The following IGSF3 variants were observed in gnomAD, a reference collection of about 807,000 sequenced individuals.
IGSF3 encodes the protein glu-Trp-Ile EWI motif-containing protein 3.
IGSF3 carries 23 observed loss-of-function variants against 114.4 expected under a neutral mutation model. The observed-to-expected ratio is 0.20, with a 90% CI of 0.14 to 0.28. The LOEUF is 0.28. Among genes scored for constraint, IGSF3 ranks in the 10% least tolerant of loss-of-function variants. The probability of loss-of-function intolerance (pLI) is 1.00; values close to 1 mark genes in which losing one functional copy is unlikely to be tolerated. For missense variants in IGSF3, 1,172 were observed against 1,591.5 expected (o/e 0.74, Z 4.48); for synonymous variants, 571 against 645.2 (o/e 0.88, Z 1.74).
At chr1:116,599,292 G>A (rs900607623) in intron 7 of IGSF3, among the ~76,000 whole-genome samples, 5 of 152,066 alleles carry the variant, frequency 3.3e-5, no homozygotes, top group African/African-American at 1.2e-4. Context: ...ATAATTGTAT[G>A]AGGATTATAG....
In IGSF3 at chr1:116,592,601, G is replaced by A. The variant is rs886566510; in HGVS notation, c.2030-3497C>T. Among the ~76,000 whole-genome samples, 12 of 152,160 alleles carry A rather than the reference G, an allele frequency of 7.9e-5. No homozygotes were observed. The highest frequency in any genetic ancestry group is 2.9e-4 in the African/African-American group (12 of 41,428). On this transcript the variant is annotated intron_variant, in intron 7 of 10. Coordinates refer to ENST00000369486, the MANE Select transcript of IGSF3 (RefSeq NM_001007237.3). This position sits in a 1 kb window ranked among gnomAD's most constrained non-coding sequence, Gnocchi z 4.5. ...CAGGAAGAGGGAAGAACTTCGCAGC[G>A]GAGACCAGCAGCAGCTTTCTCAGCC...
chr1:116,608,274 G>C lies in IGSF3; in HGVS notation c.890C>G (p.Pro297Arg), dbSNP rs373355041. The stretch of plus-strand genomic sequence containing the variant: ...CTCCAGGATGCATCTGAACTCCACC[G>C]GCTCGCCCACCGTGTGCAGCCGCTT... ...TEKRLHTVGE[P>R]VEFRCILEAQ... The change falls in exon 5 of 11, where the codon CCG (proline) becomes CGG (arginine). Residue 297 changes from proline (P) to arginine (R), a missense_variant. Transcript: ENST00000369486. 6.2e-7 allele frequency: 1 copy of C among 1,612,044 alleles called. No individual in the cohort carries two copies. Among genetic ancestry groups the C allele is most frequent in the South Asian group, 1.1e-5 (1 of 91,024 alleles).
Position 116,583,089 on chromosome 1 carries a change from C to G in IGSF3, c.2848+1556G>C, listed in dbSNP as rs545601766. Among the ~76,000 whole-genome samples the G allele has an allele frequency of 5.9e-5, 9 of 152,108 alleles. No homozygotes were observed. Among genetic ancestry groups the G allele is most frequent in the Non-Finnish European group, 1.2e-4 (8 of 68,022 alleles). On this transcript the variant is annotated intron_variant, in intron 9 of 10. Coordinates refer to ENST00000369486, the MANE Select transcript of IGSF3 (RefSeq NM_001007237.3). The surrounding 1 kb of genome is among the most constrained non-coding windows in gnomAD (Gnocchi z 4.5). ...TGCACCTGCTGGCTGGGTGGTGATT[C>G]GCTCCATGCTTTGGTCCCTCATGAG...
intron 2 of IGSF3, among the ~76,000 whole-genome samples, chr1:116,619,998 G>A (rs1661362790): frequency 6.7e-6 from 1 of 150,114 alleles, no homozygotes; most frequent in Non-Finnish European, 1.5e-5. Flanking sequence ...GTATGTACCA[G>A]TTTTATAACT....
chr1:116,639,556 C>T (rs1380580390), intron 2 of IGSF3, among the ~76,000 whole-genome samples: 1 of 152,224 alleles, frequency 6.6e-6, no homozygotes, highest in Non-Finnish European at 1.5e-5. Flanking sequence ...CCTCTGCCTT[C>T]TCCTTTCATG....
rs1017375042 is a variant in IGSF3, at chr1:116,598,379, T to C, written c.2029+1562A>G. On this transcript the variant is annotated intron_variant, in intron 7 of 10. Coordinates refer to ENST00000369486, the MANE Select transcript of IGSF3 (RefSeq NM_001007237.3). The surrounding 1 kb of genome is among the most constrained non-coding windows in gnomAD (Gnocchi z 4.3). ...AATGGGGTCTCTGCTTAACCTTCCA[T>C]TAACCTGAAAATCCATTTAAGCAAA... Among the ~76,000 whole-genome samples, 1 of 152,232 alleles carries C rather than the reference T, an allele frequency of 6.6e-6. No individual in the cohort carries two copies. The highest frequency in any genetic ancestry group is 2.4e-5 in the African/African-American group (1 of 41,460).
At chr1:116,590,289 G>T (rs1470922757) in intron 7 of IGSF3, among the ~76,000 whole-genome samples, 1 of 151,512 alleles carries the variant, frequency 6.6e-6, no homozygotes, top group Non-Finnish European at 1.5e-5. Flanking sequence ...TCTTAGGAAG[G>T]TGATTTGAGA....
chr1:116,640,546 G>A (rs778921389), intron 2 of IGSF3, among the ~76,000 whole-genome samples: 7 of 152,130 alleles, frequency 4.6e-5, no homozygotes, highest in Non-Finnish European at 7.3e-5. Flanking sequence ...CACACTGTAT[G>A]CACCCTTTTG....
At chr1:116,599,869 G>A (rs1196905492) in intron 7 of IGSF3, 72 bp downstream of exon 7, 11 of 1,396,248 alleles carry the variant, frequency 7.9e-6, no homozygotes, top group South Asian at 2.6e-5. Flanking sequence ...AGGGCTCCAC[G>A]CACACCTTTC....
chr1:116,575,387 G>A lies in IGSF3; in HGVS notation c.*1925C>T, dbSNP rs1431772448. ...GGTATACTTGGGGGAGAAAAGGCAG[G>A]TCTGTGTGTCTGTCAGAAAATGGCT... On this transcript the variant is annotated 3_prime_UTR_variant, in exon 11 of 11. Transcript: ENST00000369486. This position sits in a 1 kb window ranked among gnomAD's most constrained non-coding sequence, Gnocchi z 5.6. 1 of 152,716 alleles carries A rather than the reference G, an allele frequency of 6.5e-6. No homozygotes were observed. The highest frequency in any genetic ancestry group is 2.4e-5 in the African/African-American group (1 of 41,446). 9.5% of individuals were successfully genotyped at this position (152,716 alleles called of 1,614,324 possible).
intron 2 of IGSF3, among the ~76,000 whole-genome samples, chr1:116,637,254 T>G (rs1647876135): frequency 6.6e-6 from 1 of 152,068 alleles, no homozygotes; most frequent in Non-Finnish European, 1.5e-5. Context: ...TATTCGAAAG[T>G]TCTTCTTTAC....
At position 116,648,324 on chromosome 1, in the gene IGSF3, G is replaced by C. The variant is rs573864966; in HGVS notation, c.43+17960C>G. ...ATGCCGGCTGTCTCCCAAGTCTGAA[G>C]GGTTTTCCTCTGGGTATTAGGAGTT... On this transcript the variant is annotated intron_variant, in intron 2 of 10. Transcript: ENST00000369486. This position sits in a 1 kb window ranked among gnomAD's most constrained non-coding sequence, Gnocchi z 4.7. Among the ~76,000 whole-genome samples the C allele has an allele frequency of 3.3e-5, 5 of 152,314 alleles. No homozygotes were observed. The highest frequency in any genetic ancestry group is 2.0e-4 in the Admixed American group (3 of 15,290).
chr1:116,650,243 G>A lies in IGSF3; in HGVS notation c.43+16041C>T, dbSNP rs574799473. On this transcript the variant is annotated intron_variant, in intron 2 of 10. Coordinates refer to ENST00000369486, the MANE Select transcript of IGSF3 (RefSeq NM_001007237.3). The surrounding 1 kb of genome is among the most constrained non-coding windows in gnomAD (Gnocchi z 5.0). ...GTGAGGACAAAATGTATGGAGATTG[G>A]ACTGTTCAGTCTTCAGGGGCTTGGC... 7.9e-5 allele frequency among the ~76,000 whole-genome samples: 12 copies of A among 152,170 alleles called. No individual in the cohort carries two copies. The highest frequency in any genetic ancestry group is 1.3e-4 in the Non-Finnish European group (9 of 68,028).
rs2101071191 is a variant in IGSF3, at chr1:116,651,860, A to G, written c.43+14424T>C. 6.6e-6 allele frequency among the ~76,000 whole-genome samples: 1 copy of G among 152,254 alleles called. No individual in the cohort carries two copies. The highest frequency in any genetic ancestry group is 2.1e-4 in the South Asian group (1 of 4,814). On this transcript the variant is annotated intron_variant, in intron 2 of 10. Transcript: ENST00000369486. The surrounding 1 kb of genome is among the most constrained non-coding windows in gnomAD (Gnocchi z 4.4). ...AACTTCAGGATTGTAATTAATTATA[A>G]ATGCATTTATTTGTTTACTGCCTGA...
rs957451306 is a variant in IGSF3, at chr1:116,644,700, G to A, written c.43+21584C>T. On this transcript the variant is annotated intron_variant, in intron 2 of 10. Coordinates refer to ENST00000369486, the MANE Select transcript of IGSF3 (RefSeq NM_001007237.3). The surrounding 1 kb of genome is among the most constrained non-coding windows in gnomAD (Gnocchi z 5.6). ...TGTGTGGCGATCAGCCATCAGAGGA[G>A]GCGGCCCTGTGTGATGAAAGGACCT... is the stretch of plus-strand genomic sequence containing the variant. 9.2e-5 allele frequency among the ~76,000 whole-genome samples: 14 copies of A among 152,176 alleles called. No homozygotes were observed. Among genetic ancestry groups the A allele is most frequent in the Non-Finnish European group, 1.3e-4 (9 of 68,028 alleles).
chr1:116,587,496 G>C (rs962474565), intron 8 of IGSF3, among the ~76,000 whole-genome samples: 1 of 129,528 alleles, frequency 7.7e-6, no homozygotes, highest in African/African-American at 2.7e-5. Context: ...AAGTACAAAG[G>C]CCTTAGGGTG....
chr1:116,577,416 T>C lies in IGSF3; in HGVS notation c.3481A>G (p.Lys1161Glu). The C allele has an allele frequency of 6.2e-7, 1 of 1,614,164 alleles. No individual in the cohort carries two copies. Among genetic ancestry groups the C allele is most frequent in the Non-Finnish European group, 8.5e-7 (1 of 1,180,018 alleles). ...SRNSSKNSDG[K>E]NGVPLLWIKE... ...ATCCACAGCAGAGGCACCCCATTCT[T>C]CCCATCAGAGTTCTTGCTGGAGTTC... The change falls in exon 11 of 11, where the codon AAG becomes GAG. Residue 1161 changes from lysine (K) to glutamate (E), a missense_variant. Physicochemically the swap from Lys to Glu is moderately conservative, Grantham distance 56. Transcript: ENST00000369486. This position sits in a 1 kb window ranked among gnomAD's most constrained non-coding sequence, Gnocchi z 5.7.
intron 2 of IGSF3, among the ~76,000 whole-genome samples, chr1:116,635,143 TG>T (rs1647768009): frequency 6.6e-6 from 1 of 152,222 alleles, no homozygotes; most frequent in South Asian, 2.1e-4. Flanking sequence ...ACTGGATAAC[TG>T]CAACACCTGC....
chr1:116,615,049 C>T lies in IGSF3; in HGVS notation c.422-874G>A, dbSNP rs1439069955. Among the ~76,000 whole-genome samples, 4 of 151,956 alleles carry T rather than the reference C, an allele frequency of 2.6e-5. No individual in the cohort carries two copies. Among genetic ancestry groups the T allele is most frequent in the East Asian group, 1.9e-4 (1 of 5,132 alleles). On this transcript the variant is annotated intron_variant, in intron 3 of 10. Transcript: ENST00000369486. This position sits in a 1 kb window ranked among gnomAD's most constrained non-coding sequence, Gnocchi z 4.3. ...CAACACTTTGGGAGGGTGAGGGAGG[C>T]GGATCACCTGAGGTCGGGAGTTCGA...
Sources: allele counts gnomAD v4.1 joint callset (sites outside exome capture counted in the v4.1 genomes callset), GRCh38; gene constraint gnomAD v4.1.1; non-coding constraint Gnocchi (gnomAD v3.1); transcripts MANE v1.5; gene names NCBI Gene and HGNC (gene_info 2026-07-23, HGNC 2026-07-21).